AMMECR1: variants seen among roughly 807,000 people sequenced by gnomAD.
AMMECR1 encodes the protein nuclear protein AMMECR1.
In AMMECR1, 3 loss-of-function variants were observed where a neutral mutation model predicts 22.5. The ratio of observed to expected loss-of-function variants is 0.13; its 90% confidence interval spans 0.06 to 0.35. The LOEUF (loss-of-function observed/expected upper bound fraction) is 0.35, where lower values mean the gene tolerates loss of function less well. Among genes scored for constraint, AMMECR1 ranks in the 10% least tolerant of loss-of-function variants. AMMECR1 has a pLI of 1.00. For synonymous variants in AMMECR1, 130 were observed against 116.7 expected (o/e 1.11, Z -0.74); for missense variants, 235 against 278.7 (o/e 0.84, Z 1.12).
chrX:110,392,390 C>G (rs754529116), intron 2 of AMMECR1, among the ~76,000 whole-genome samples: 22 of 108,763 alleles, frequency 2.0e-4, no homozygotes, highest in Non-Finnish European at 4.0e-4. Context: ...ATCCTCCCAC[C>G]TCAGCCTCCC....
In AMMECR1 at chrX:110,295,888, G is replaced by A. The variant is rs762055187; in HGVS notation, c.473+21711C>T. ...CAAATTACATCTTTATATGAAATACGCCCATCAACAGTTTTATAATTAGTT... is the reference window on the plus strand; with the variant it reads ...CAAATTACATCTTTATATGAAATACACCCATCAACAGTTTTATAATTAGTT... On this transcript the variant is annotated intron_variant, in intron 1 of 5. Coordinates refer to ENST00000262844, the MANE Select transcript of AMMECR1 (RefSeq NM_015365.3). Among the ~76,000 whole-genome samples, 17 of 111,329 alleles carry A rather than the reference G, an allele frequency of 1.5e-4. No homozygotes were observed. In the South Asian group the frequency reaches 3.0e-3, roughly 20 times the overall value.
At chrX:110,388,661 A>G (rs148145238) in intron 2 of AMMECR1, among the ~76,000 whole-genome samples, 1 of 112,532 alleles carries the variant, frequency 8.9e-6, no homozygotes, top group Non-Finnish European at 1.9e-5. Context: ...ACAGATTGCT[A>G]TATCCCACCC....
upstream of AMMECR1, among the ~76,000 whole-genome samples, chrX:110,321,168 G>A (rs1256661172): frequency 9.0e-6 from 1 of 111,714 alleles, no homozygotes; most frequent in Non-Finnish European, 1.9e-5. Context: ...CACACTGGGT[G>A]GATAGAAAAA....
intron 2 of AMMECR1, among the ~76,000 whole-genome samples, chrX:110,230,575 A>C (rs775583413): frequency 1.8e-5 from 2 of 112,391 alleles, no homozygotes; most frequent in African/African-American, 3.2e-5. Context: ...GATGGGGAGA[A>C]ACCAGAGCAG....
At chrX:110,220,441 A>G (rs1007841341) in intron 2 of AMMECR1, among the ~76,000 whole-genome samples, 1 of 111,555 alleles carries the variant, frequency 9.0e-6, no homozygotes, top group Non-Finnish European at 1.9e-5. Flanking sequence ...TAAAATATTA[A>G]TACTGTCCAT....
chrX:110,217,264 G>GC (rs747561636), intron 2 of AMMECR1, among the ~76,000 whole-genome samples: 2 of 107,532 alleles, frequency 1.9e-5, no homozygotes, highest in Non-Finnish European at 3.9e-5. Flanking sequence ...AGAATTTCAG[G>GC]CCCCCAATAA....
intron 1 of AMMECR1, among the ~76,000 whole-genome samples, chrX:110,287,979 A>G (rs940282222): frequency 1.8e-5 from 2 of 112,237 alleles, no homozygotes; most frequent in African/African-American, 6.5e-5. Flanking sequence ...TTATACTCTA[A>G]TAAGTGAAGG....
chrX:110,213,687 A>G (rs991718579), intron 3 of AMMECR1, among the ~76,000 whole-genome samples: 1 of 111,824 alleles, frequency 8.9e-6, no homozygotes, highest in African/African-American at 3.3e-5. Context: ...TGTGTTTAGT[A>G]ATGCTTTTTC....
rs764855971 is a variant in AMMECR1, at chrX:110,364,545, A to T, written c.-147-46696T>A. 7.9e-4 allele frequency among the ~76,000 whole-genome samples: 88 copies of T among 111,638 alleles called. 1 individual carries two copies. In the Admixed American group the frequency reaches 8.4e-3, roughly 11 times the overall value. On this transcript the variant is annotated intron_variant, in intron 2 of 7. Coordinates refer to the AMMECR1 transcript ENST00000372057. ...TTTCCTACTGGGATTTATCAAGATGAATTAATAAATTGACATTTTGGCTTC... is the reference window on the plus strand; with the variant it reads ...TTTCCTACTGGGATTTATCAAGATGTATTAATAAATTGACATTTTGGCTTC...
At position 110,262,188 on chromosome X, in the gene AMMECR1, T is replaced by C. The variant is rs149267529; in HGVS notation, c.584+2301A>G. ...AAATGAATCCAGGAAAAAAGATTAA[T>C]TGTATTTTGTAAGACTTGTTTTCTT... On this transcript the variant is annotated intron_variant, in intron 2 of 5. Transcript: ENST00000262844. 5.4e-3 allele frequency among the ~76,000 whole-genome samples: 608 copies of C among 112,300 alleles called. 3 individuals are homozygous for C. Among genetic ancestry groups the C allele is most frequent in the African/African-American group, 0.019 (590 of 31,067 alleles).
In AMMECR1 at chrX:110,245,904, G is replaced by A. The variant is rs764931932; in HGVS notation, c.584+18585C>T. Among the ~76,000 whole-genome samples, 6 of 111,552 alleles carry A rather than the reference G, an allele frequency of 5.4e-5. No homozygotes were observed. The East Asian group carries it at 8.4e-4, about 16-fold the overall frequency. On this transcript the variant is annotated intron_variant, in intron 2 of 5. Coordinates refer to ENST00000262844, the MANE Select transcript of AMMECR1 (RefSeq NM_015365.3). ...CTTCACAAAAATGACCATCTCTCTC[G>A]TAGGGATTTAAAAATAATATATGGA...
Position 110,432,648 on chromosome X carries a change from C to A in AMMECR1, c.-293-5845G>T, listed in dbSNP as rs144205494. Among the ~76,000 whole-genome samples the A allele has an allele frequency of 5.4e-3, 606 of 111,979 alleles. 4 individuals carry two copies. The highest frequency in any genetic ancestry group is 0.018 in the African/African-American group (554 of 30,800). ...AAACCCCTCCTGTCCCTGAGGATCC[C>A]GAAAGACAGAGTGTTCCACAGGCAG... On this transcript the variant is annotated intron_variant, in intron 1 of 7. Transcript: ENST00000372057.
chrX:110,303,181 G>A (rs769723572), intron 1 of AMMECR1, among the ~76,000 whole-genome samples: 5 of 111,705 alleles, frequency 4.5e-5, no homozygotes, highest in South Asian at 3.8e-4. Context: ...TAGACTGAGC[G>A]GAAATAAACA....
intron 1 of AMMECR1, among the ~76,000 whole-genome samples, chrX:110,306,188 G>C (rs1452106847): frequency 9.3e-6 from 1 of 107,500 alleles, no homozygotes; most frequent in Non-Finnish European, 1.9e-5. Context: ...CTAGCTACTC[G>C]GGAGGCTGAG....
At chrX:110,306,977 C>T (rs752702167) in intron 1 of AMMECR1, 1 of 110,928 alleles carries the variant, frequency 9.0e-6, no homozygotes, top group African/African-American at 3.3e-5. Flanking sequence ...GTGGCTCACA[C>T]TTGTAAGCCC....
At chrX:110,350,699 G>GC (rs2068207839) in intron 2 of AMMECR1, among the ~76,000 whole-genome samples, 1 of 111,645 alleles carries the variant, frequency 9.0e-6, no homozygotes, top group Admixed American at 9.5e-5. Flanking sequence ...GGGCATGGGG[G>GC]CTCATGCCTG....
chrX:110,238,817 G>T (rs1179906783), intron 2 of AMMECR1, among the ~76,000 whole-genome samples: 2 of 111,980 alleles, frequency 1.8e-5, no homozygotes, highest in Non-Finnish European at 3.8e-5. Flanking sequence ...GCATCTGGCG[G>T]GTGCCCCTCT....
chrX:110,262,185 T>G (rs937348712), intron 2 of AMMECR1, among the ~76,000 whole-genome samples: 5 of 112,164 alleles, frequency 4.5e-5, no homozygotes, highest in Non-Finnish European at 9.4e-5. Context: ...GAAAAAAGAT[T>G]AATTGTATTT....
intron 2 of AMMECR1, among the ~76,000 whole-genome samples, chrX:110,410,791 G>A (rs1049967154): frequency 9.0e-6 from 1 of 111,585 alleles, no homozygotes; most frequent in African/African-American, 3.3e-5. Context: ...TAGATATGTC[G>A]TAGCTGGGGC....
Sources: gnomAD v4.1 joint callset for allele counts (sites outside exome capture counted in the v4.1 genomes callset) on GRCh38, gnomAD v4.1.1 for gene constraint, MANE v1.5 for transcripts, NCBI Gene and HGNC (gene_info 2026-07-23, HGNC 2026-07-21) for gene names.